The following SORBS2 variants were observed in gnomAD, a reference collection of about 807,000 sequenced individuals.
The protein encoded by SORBS2 is sorbin and SH3 domain-containing protein 2.
In SORBS2, 46 loss-of-function variants were observed where a neutral mutation model predicts 97.7. The ratio of observed to expected loss-of-function variants is 0.47; its 90% CI spans 0.37 to 0.60. The LOEUF is 0.60. Ranked by LOEUF, SORBS2 falls within the 20% of genes least tolerant of loss-of-function variation. The probability of loss-of-function intolerance (pLI) is 0.00; values close to 1 mark genes in which losing one functional copy is unlikely to be tolerated. For missense variants in SORBS2, 1,316 were observed against 1,282.3 expected, an observed-to-expected ratio of 1.03 and a Z score of -0.40; for synonymous variants, 476 against 473.4, an observed-to-expected ratio of 1.01 and a Z score of -0.07.
intron 1 of SORBS2, among the ~76,000 whole-genome samples, chr4:185,928,837 C>T (rs966328560): frequency 2.0e-5 from 3 of 152,150 alleles, no homozygotes; most frequent in Non-Finnish European, 2.9e-5. Flanking sequence ...TGAGCCACCG[C>T]GCCTGGCCAA....
intron 2 of SORBS2, among the ~76,000 whole-genome samples, chr4:185,756,683 G>T (rs2098832695): frequency 6.7e-6 from 1 of 148,788 alleles, no homozygotes; most frequent in Admixed American, 6.7e-5. Context: ...TTTTAATGAA[G>T]GTTAATAAAA....
chr4:185,881,577 A>G (rs530043202), intron 1 of SORBS2, among the ~76,000 whole-genome samples: 1 of 152,348 alleles, frequency 6.6e-6, no homozygotes, highest in South Asian at 2.1e-4. Flanking sequence ...TTCAGGGACT[A>G]TAGCACGAAT....
intron 1 of SORBS2, among the ~76,000 whole-genome samples, chr4:185,881,584 G>A (rs946978834): frequency 2.6e-5 from 4 of 152,124 alleles, no homozygotes; most frequent in East Asian, 3.8e-4. Context: ...ACTATAGCAC[G>A]AATTATTTTT....
At chr4:185,724,494 A>G (rs2098541615) in intron 2 of SORBS2, among the ~76,000 whole-genome samples, 1 of 152,154 alleles carries the variant, frequency 6.6e-6, no homozygotes. Flanking sequence ...TTTGCCTTTG[A>G]GAACTCCGGT....
At chr4:185,689,257 C>T (rs1176853588) in intron 2 of SORBS2, among the ~76,000 whole-genome samples, 1 of 152,156 alleles carries the variant, frequency 6.6e-6, no homozygotes, top group African/African-American at 2.4e-5. Context: ...CTTAAGTCTA[C>T]AGGGAAATGT....
chr4:185,837,053 G>C (rs1007476677), intron 1 of SORBS2, among the ~76,000 whole-genome samples: 1 of 152,200 alleles, frequency 6.6e-6, no homozygotes, highest in Non-Finnish European at 1.5e-5. Context: ...GTTTTGAAGA[G>C]AGACTTTATA....
intron 2 of SORBS2, among the ~76,000 whole-genome samples, chr4:185,693,692 A>T (rs1314950152): frequency 6.6e-6 from 1 of 152,222 alleles, no homozygotes; most frequent in Non-Finnish European, 1.5e-5. Context: ...AATAATAGTG[A>T]TTGACAAAGA....
At chr4:185,869,382 A>G (rs1459961705) in intron 1 of SORBS2, among the ~76,000 whole-genome samples, 4 of 152,202 alleles carry the variant, frequency 2.6e-5, no homozygotes, top group Non-Finnish European at 5.9e-5. Flanking sequence ...AACAGTAGAT[A>G]TAGGCAGATC....
At chr4:185,591,086 T>TATTA (rs2095917604) in intron 13 of SORBS2, among the ~76,000 whole-genome samples, 1 of 151,960 alleles carries the variant, frequency 6.6e-6, no homozygotes, top group African/African-American at 2.4e-5. Context: ...AAAACTATTC[T>TATTA]ATCATTTAAA....
chr4:185,669,468 A>G (rs192003524), intron 4 of SORBS2, among the ~76,000 whole-genome samples: 10 of 152,292 alleles, frequency 6.6e-5, no homozygotes, highest in Non-Finnish European at 4.4e-5. Flanking sequence ...TAAGCCCCTA[A>G]GCTGTCACTT....
intron 1 of SORBS2, among the ~76,000 whole-genome samples, chr4:185,932,403 C>T (rs986221704): frequency 6.6e-6 from 1 of 151,450 alleles, no homozygotes; most frequent in African/African-American, 2.4e-5. Flanking sequence ...TGGCGTGATT[C>T]GATGATAGTC....
intron 1 of SORBS2, among the ~76,000 whole-genome samples, chr4:185,653,751 T>A (rs1561698237): frequency 2.0e-5 from 3 of 152,218 alleles, no homozygotes; most frequent in Non-Finnish European, 4.4e-5. Flanking sequence ...TCTGGATACC[T>A]GTAAAAGTAG....
intron 1 of SORBS2, among the ~76,000 whole-genome samples, chr4:185,788,915 C>T (rs555234150): frequency 6.6e-6 from 1 of 152,290 alleles, no homozygotes; most frequent in East Asian, 1.9e-4. Context: ...AACACACCTT[C>T]GAGACTCCAA....
chr4:185,814,934 C>T (rs989182681), intron 1 of SORBS2, among the ~76,000 whole-genome samples: 3 of 152,230 alleles, frequency 2.0e-5, no homozygotes, highest in Admixed American at 6.5e-5. Flanking sequence ...AGGTCCCTGA[C>T]GTTTATTCTC....
At chr4:185,725,393 C>A (rs1423389928) in intron 2 of SORBS2, among the ~76,000 whole-genome samples, 1 of 152,200 alleles carries the variant, frequency 6.6e-6, no homozygotes, top group Non-Finnish European at 1.5e-5. Context: ...TGCCACCTAC[C>A]ATGTAGAACT....
intron 6 of SORBS2, among the ~76,000 whole-genome samples, chr4:185,625,609 T>C (rs1335539931): frequency 6.6e-6 from 1 of 152,236 alleles, no homozygotes. Flanking sequence ...TATCCAAGAA[T>C]AATAGGTCAA....
In SORBS2 at chr4:185,778,719, C is replaced by T. The variant is rs1204828085; in HGVS notation, c.-337-3353G>A. Among the ~76,000 whole-genome samples the T allele has an allele frequency of 2.6e-5, 4 of 152,208 alleles. 1 individual carries two copies. In the South Asian group the frequency reaches 6.2e-4, roughly 24 times the overall value. Reference sequence around the variant, plus strand: ...AAAGCAAGCACTGAGTCCCATCAGACTGGATGTGGAAAGGCCAGGATCTAG... The same window carrying T: ...AAAGCAAGCACTGAGTCCCATCAGATTGGATGTGGAAAGGCCAGGATCTAG... On this transcript the variant is annotated intron_variant, in intron 1 of 20. Transcript: ENST00000284776.
At chr4:185,911,458 G>A (rs937431584) in intron 1 of SORBS2, among the ~76,000 whole-genome samples, 1 of 151,714 alleles carries the variant, frequency 6.6e-6, no homozygotes, top group Admixed American at 6.6e-5. Context: ...TGAACTCCTG[G>A]GCTCAGTCTT....
chr4:185,712,967 T>G (rs11937510), intron 2 of SORBS2, among the ~76,000 whole-genome samples: 118,274 of 152,072 alleles, frequency 0.78, 47,318 homozygotes, highest in Non-Finnish European at 0.89. Context: ...CCTTATGGTT[T>G]TTCTCCCTTC....
Sources: allele counts gnomAD v4.1 joint callset (sites outside exome capture counted in the v4.1 genomes callset), GRCh38; gene constraint gnomAD v4.1.1; transcripts MANE v1.5; gene names NCBI Gene and HGNC (gene_info 2026-07-23, HGNC 2026-07-21).